Variants in C1orf21 observed in about 807,000 individuals in gnomAD.
C1orf21 encodes uncharacterized protein C1orf21.
Under a neutral mutation model 18.7 loss-of-function variants are expected in C1orf21, and 3 were observed. The observed-to-expected ratio is 0.16, with a 90% CI of 0.07 to 0.42. C1orf21 has a LOEUF of 0.42. Among genes scored for constraint, C1orf21 ranks in the 10% least tolerant of loss-of-function variants. The pLI is 0.99. For synonymous variants in C1orf21, 41 were observed against 46.4 expected (o/e 0.88, Z 0.47); for missense variants, 104 against 143.6 (o/e 0.72, Z 1.41).
intron 1 of C1orf21, among the ~76,000 whole-genome samples, chr1:184,462,086 G>A (rs963656908): frequency 1.3e-5 from 2 of 152,194 alleles, no homozygotes; most frequent in African/African-American, 4.8e-5. Flanking sequence ...ATATACCTTA[G>A]AGATGAGGAT....
chr1:184,419,163 G>A (rs1269244797), intron 1 of C1orf21, among the ~76,000 whole-genome samples: 1 of 152,110 alleles, frequency 6.6e-6, no homozygotes, highest in Non-Finnish European at 1.5e-5. Context: ...ACGGTGGTGT[G>A]ATCTTGGCTT....
chr1:184,405,180 A>G (rs1356698295), intron 1 of C1orf21, among the ~76,000 whole-genome samples: 3 of 151,888 alleles, frequency 2.0e-5, no homozygotes, highest in African/African-American at 7.3e-5. Context: ...TTTTTATTAG[A>G]CCCAGTGCTA....
At chr1:184,519,793 C>A (rs1658280659) in intron 3 of C1orf21, among the ~76,000 whole-genome samples, 1 of 152,154 alleles carries the variant, frequency 6.6e-6, no homozygotes. Context: ...CATTATGTTT[C>A]CAGGAGTCTC....
At chr1:184,421,261 T>C (rs1396644648) in intron 1 of C1orf21, among the ~76,000 whole-genome samples, 5 of 152,096 alleles carry the variant, frequency 3.3e-5, no homozygotes, top group South Asian at 2.1e-4. Context: ...CATGCCACCA[T>C]ACCCAGCTAA....
chr1:184,545,085 G>A (rs1452486777), intron 3 of C1orf21, among the ~76,000 whole-genome samples: 1 of 152,128 alleles, frequency 6.6e-6, no homozygotes, highest in East Asian at 1.9e-4. Flanking sequence ...ACCAACCCTG[G>A]TACAGGTACA....
chr1:184,613,655 C>T (rs993740166), intron 5 of C1orf21, among the ~76,000 whole-genome samples: 1 of 152,114 alleles, frequency 6.6e-6, no homozygotes, highest in African/African-American at 2.4e-5. Flanking sequence ...ACCCTGCTAC[C>T]CCCACACCCC....
chr1:184,469,565 T>A (rs79267512), intron 1 of C1orf21, among the ~76,000 whole-genome samples: 2,339 of 152,348 alleles, frequency 0.015, 23 homozygotes, highest in Middle Eastern at 0.034. Context: ...ACCATGAAAG[T>A]AAACTGCAGG....
intron 3 of C1orf21, among the ~76,000 whole-genome samples, chr1:184,577,960 T>G (rs1047250775): frequency 8.2e-5 from 12 of 145,872 alleles, no homozygotes; most frequent in East Asian, 2.0e-4. Context: ...TTTGTTTTTT[T>G]TTTTTTTTTT....
intron 1 of C1orf21, among the ~76,000 whole-genome samples, chr1:184,469,204 C>T (rs1342652637): frequency 6.6e-6 from 1 of 152,104 alleles, no homozygotes; most frequent in Non-Finnish European, 1.5e-5. Flanking sequence ...GAGCCGAGGT[C>T]GCGCCACTGC....
intron 2 of C1orf21, among the ~76,000 whole-genome samples, chr1:184,478,162 G>C (rs553254261): frequency 1.3e-5 from 2 of 152,270 alleles, no homozygotes; most frequent in African/African-American, 4.8e-5. Context: ...GAGGAGAACT[G>C]TAGGACTAAA....
chr1:184,605,659 G>A (rs560038859), intron 5 of C1orf21, among the ~76,000 whole-genome samples: 3 of 152,294 alleles, frequency 2.0e-5, no homozygotes, highest in African/African-American at 7.2e-5. Context: ...TCAAACCTGG[G>A]CCAAAGCCAA....
intron 3 of C1orf21, among the ~76,000 whole-genome samples, chr1:184,551,790 C>T (rs570338286): frequency 6.9e-4 from 105 of 152,074 alleles, no homozygotes; most frequent in African/African-American, 2.3e-3. Context: ...GAGCATCACT[C>T]GAGGCTAGGA....
chr1:184,398,909 G>C (rs779383564), intron 1 of C1orf21, among the ~76,000 whole-genome samples: 1 of 152,096 alleles, frequency 6.6e-6, no homozygotes, highest in Non-Finnish European at 1.5e-5. Flanking sequence ...GCACATGGCT[G>C]TATGTATTTC....
intron 3 of C1orf21, among the ~76,000 whole-genome samples, chr1:184,541,664 C>T (rs4651218): frequency 0.63 from 95,248 of 152,172 alleles, 32,059 homozygotes; most frequent in African/African-American, 0.9. Context: ...TAATTGTTTA[C>T]AGTGCTCTCC....
chr1:184,527,295 A>T (rs1455475784), intron 3 of C1orf21, among the ~76,000 whole-genome samples: 3 of 152,232 alleles, frequency 2.0e-5, no homozygotes, highest in Admixed American at 1.3e-4. Flanking sequence ...GGAATACAGC[A>T]GTATACAAAA....
intron 1 of C1orf21, among the ~76,000 whole-genome samples, chr1:184,390,048 A>G (rs906965291): frequency 2.6e-5 from 4 of 152,252 alleles, no homozygotes; most frequent in African/African-American, 9.6e-5. Flanking sequence ...ACTAAAGGGT[A>G]ATCGTACAGT....
At chr1:184,588,516 T>C (rs1659390419) in intron 3 of C1orf21, among the ~76,000 whole-genome samples, 1 of 152,202 alleles carries the variant, frequency 6.6e-6, no homozygotes, top group African/African-American at 2.4e-5. Context: ...TTCAAATCCC[T>C]GCGCTACTGC....
rs201286816 is a variant in C1orf21 at position 184,600,177 on chromosome 1, C to CT, written c.327+1724dup. Among the ~76,000 whole-genome samples the CT allele has an allele frequency of 1.7e-3, 253 of 148,062 alleles. 1 individual carries two copies. Among genetic ancestry groups the CT allele is most frequent in the African/African-American group, 5.8e-3 (236 of 40,414 alleles). ...TATATCCAATGTGGGTTTTTTTTTTCTTTTTTTTGAGACGAGGTCTCACTT... is the reference window on the plus strand; with the variant it reads ...TATATCCAATGTGGGTTTTTTTTTTCTTTTTTTTTGAGACGAGGTCTCACTT... On this transcript the variant is annotated intron_variant, in intron 5 of 5. Transcript: ENST00000235307.
intron 3 of C1orf21, among the ~76,000 whole-genome samples, chr1:184,538,965 CT>C (rs1489329263): frequency 1.3e-5 from 2 of 152,010 alleles, no homozygotes; most frequent in African/African-American, 4.8e-5. Context: ...TTACTTTTTT[CT>C]TTACAGTTTG....
Sources: allele counts gnomAD v4.1 joint callset (sites outside exome capture counted in the v4.1 genomes callset), GRCh38; gene constraint gnomAD v4.1.1; transcripts MANE v1.5; gene names NCBI Gene and HGNC (gene_info 2026-07-23, HGNC 2026-07-21).